Variants in ESYT1 observed in about 807,000 individuals in gnomAD.
The protein encoded by ESYT1 is extended synaptotagmin 1.
ESYT1 carries 116 observed loss-of-function variants against 154.2 expected under a neutral mutation model. The observed-to-expected ratio is 0.75, with a 90% confidence interval of 0.65 to 0.88. The LOEUF (loss-of-function observed/expected upper bound fraction) is 0.88, where lower values mean the gene tolerates loss of function less well. Among genes scored for constraint, ESYT1 ranks in the 40% least tolerant of loss-of-function variants. The probability of loss-of-function intolerance (pLI) is 0.00; values close to 1 mark genes in which losing one functional copy is unlikely to be tolerated. For synonymous variants in ESYT1, 500 were observed against 539.9 expected (o/e 0.93, Z 1.02); for missense variants, 1,264 against 1,379.3 (o/e 0.92, Z 1.32).
At position 56,134,133 on chromosome 12, in the gene ESYT1, C is replaced by T; in HGVS notation, c.1497C>T (p.Pro499=). Residue 499 remains proline (P), a synonymous_variant, in exon 14 of 31, where the codon CCC becomes CCT. Coordinates refer to ENST00000394048, the MANE Select transcript of ESYT1 (RefSeq NM_015292.3). ...AGCTGAAGAAGGGGAACAAGGAACC[C>T]AACCCTATGGTACAACTGTCAATTC... ...DLPLKKGNKE[P]NPMVQLSIQD... 6.2e-7 allele frequency: 1 copy of T among 1,614,066 alleles called. No individual in the cohort carries two copies. Among genetic ancestry groups the T allele is most frequent in the Admixed American group, 1.7e-5 (1 of 60,014 alleles).
intron 22 of ESYT1, 59 bp from the exon 23 acceptor site, chr12:56,138,709 T>C: frequency 6.6e-7 from 1 of 1,513,172 alleles, no homozygotes; most frequent in Non-Finnish European, 9.2e-7. Flanking sequence ...ATATAATTTG[T>C]GAGGGGGATC....
At chr12:56,132,871 A>C (rs1178715340) in intron 10 of ESYT1, 70 bp downstream of exon 10, 3 of 1,402,582 alleles carry the variant, frequency 2.1e-6, no homozygotes, top group Non-Finnish European at 3.0e-6. Flanking sequence ...CTGTAATCCC[A>C]GCACTTTGGG....
chr12:56,130,864 T>C lies in ESYT1; in HGVS notation c.506T>C (p.Val169Ala), dbSNP rs1870203288. ...CTGGCTGAAACTGTGGCTCCGGCTGTTAGGGGATCTAACCCCCATCTGCAA... is the reference window on the plus strand; with the variant it reads ...CTGGCTGAAACTGTGGCTCCGGCTGCTAGGGGATCTAACCCCCATCTGCAA... ...KLLAETVAPA[V>A]RGSNPHLQTF... The change falls in exon 3 of 31, where the codon GTT (valine) becomes GCT (alanine). Residue 169 changes from valine to alanine, a missense_variant. By Grantham distance (64) the Val-to-Ala change is moderately conservative (BLOSUM62 0). Coordinates refer to ENST00000394048, the MANE Select transcript of ESYT1 (RefSeq NM_015292.3). The C allele has an allele frequency of 6.2e-7, 1 of 1,614,058 alleles. No homozygotes were observed. Among genetic ancestry groups the C allele is most frequent in the Non-Finnish European group, 8.5e-7 (1 of 1,180,048 alleles).
intron 24 of ESYT1, among the ~76,000 whole-genome samples, chr12:56,140,415 GA>G (rs1254542016): frequency 2.0e-5 from 3 of 152,068 alleles, no homozygotes; most frequent in African/African-American, 7.2e-5. Context: ...GCCCAGGCTG[GA>G]GTACAGTGAT....
At chr12:56,131,406 C>T in intron 5 of ESYT1, 71 bp from the exon 6 acceptor site, 1 of 1,608,622 alleles carries the variant, frequency 6.2e-7, no homozygotes, top group South Asian at 1.1e-5. Flanking sequence ...AAGACCAAGG[C>T]TGAGAAAGTC....
Position 56,144,070 on chromosome 12 carries a change from G to A in ESYT1, c.*208G>A, listed in dbSNP as rs548142316. On this transcript the variant is annotated 3_prime_UTR_variant, in exon 31 of 31. Transcript: ENST00000394048. ...TACTGCACGGCCTTTATCCTTCTGG[G>A]CCCCTGGGGCGGGGACCTGAGCTGG... 18 of 1,430,078 alleles carry A rather than the reference G, an allele frequency of 1.3e-5. No homozygotes were observed. The East Asian group carries it at 3.8e-4, about 30-fold the overall frequency. The allele number at this position is 1,430,078 out of a possible 1,614,324, so 88.6% of individuals were successfully genotyped here. A position where few individuals can be genotyped will look rare whatever the true frequency, so the allele number is the denominator to read the frequency against.
intron 15 of ESYT1, 23 bp downstream of exon 15, chr12:56,134,451 C>A: frequency 1.3e-6 from 2 of 1,599,996 alleles, no homozygotes; most frequent in Non-Finnish European, 1.7e-6. Context: ...CCTCTTCATC[C>A]CCTCCCGAAT....
At chr12:56,131,915 A>G (rs1870251367) in intron 7 of ESYT1, 111 bp downstream of exon 7, 1 of 1,177,752 alleles carries the variant, frequency 8.5e-7, no homozygotes, top group African/African-American at 1.5e-5. Context: ...CCTCAACTTC[A>G]TTTGGGGAGC....
At position 56,142,856 on chromosome 12, in the gene ESYT1, G is replaced by T. The variant is rs759780762; in HGVS notation, c.2910G>T (p.Gly970=). ...HVDSPLEAPA[G]PLGQVKLTLW... is the part of the protein sequence containing the mutation. ...ACAGTCCCCTTGAGGCTCCAGCCGGGCCTCTGGGCCAGGTGAAACTGACTC... is the reference window on the plus strand; with the variant it reads ...ACAGTCCCCTTGAGGCTCCAGCCGGTCCTCTGGGCCAGGTGAAACTGACTC... The change falls in exon 27 of 31, where the codon GGG becomes GGT. Residue 970 remains glycine, a synonymous_variant. Transcript: ENST00000394048. The surrounding 1 kb of genome is among the most constrained non-coding windows in gnomAD (Gnocchi z 4.1). 6.2e-6 allele frequency: 10 copies of T among 1,614,086 alleles called. No individual in the cohort carries two copies. Among genetic ancestry groups the T allele is most frequent in the Admixed American group, 1.7e-5 (1 of 60,012 alleles).
Position 56,133,465 on chromosome 12 carries a change from T to G in ESYT1, c.1293T>G (p.Asp431Glu). ...GKVLQASVLD[D>E]WFPLQGGQGQ... ...TGTTACAGGCTAGCGTTCTGGATGA[T>G]GTAAGTTGGGAGAAGAGGAAGGTGG... The change falls in exon 11 of 31, where the codon GAT (aspartate) becomes GAG (glutamate). Residue 431 changes from aspartate (D) to glutamate (E), a missense_variant and splice_region_variant. Coordinates refer to ENST00000394048, the MANE Select transcript of ESYT1 (RefSeq NM_015292.3). The G allele has an allele frequency of 6.2e-7, 1 of 1,614,134 alleles. No homozygotes were observed. Among genetic ancestry groups the G allele is most frequent in the Non-Finnish European group, 8.5e-7 (1 of 1,180,014 alleles).
rs1346426369 is a variant in ESYT1 at position 56,143,919 on chromosome 12, A to G, written c.*57A>G. The G allele has an allele frequency of 4.3e-6, 7 of 1,611,748 alleles. No individual in the cohort carries two copies. The highest frequency in any genetic ancestry group is 1.7e-5 in the Admixed American group (1 of 59,974). ...CTTCCTGCCTTCGTCTCGCTCCATC[A>G]CCGCCTCAATGTGATGAGCCTAAAG... On this transcript the variant is annotated 3_prime_UTR_variant, in exon 31 of 31. Coordinates refer to ENST00000394048, the MANE Select transcript of ESYT1 (RefSeq NM_015292.3).
chr12:56,131,012 CCT>C (rs1870210807), intron 3 of ESYT1, 26 bp from the exon 4 acceptor site: 4 of 1,614,130 alleles, frequency 2.5e-6, no homozygotes, highest in East Asian at 2.2e-5. Context: ...CTATCCCTGC[CCT>C]CTCTCAGGAA....
intron 16 of ESYT1, 54 bp from the exon 17 acceptor site, chr12:56,137,164 C>T (rs1870492034): frequency 3.1e-6 from 5 of 1,603,928 alleles, no homozygotes; most frequent in Non-Finnish European, 4.3e-6. Flanking sequence ...ACATGCTTTG[C>T]CTGCTGGTGA....
At position 56,134,088 on chromosome 12, in the gene ESYT1, C is replaced by T. The variant is rs749408994; in HGVS notation, c.1474-22C>T. On this transcript the variant is annotated intron_variant, in intron 13 of 30. Transcript: ENST00000394048. The stretch of plus-strand genomic sequence containing the variant: ...AAACCGAATCCCCCAAGATGGTGAC[C>T]TCTGAATTGTACCCACCACAGCTGA... The T allele has an allele frequency of 3.7e-6, 6 of 1,613,636 alleles. No homozygotes were observed. The South Asian group carries it at 4.4e-5, about 12-fold the overall frequency.
chr12:56,141,632 T>C (rs575912170), intron 24 of ESYT1, among the ~76,000 whole-genome samples: 51 of 152,162 alleles, frequency 3.4e-4, no homozygotes, highest in Middle Eastern at 3.4e-3. Context: ...CCCAGCTACT[T>C]GGGAGGCTGA....
chr12:56,143,268 A>T lies in ESYT1; in HGVS notation c.3160A>T (p.Lys1054Ter). Residue 1054 changes from lysine to a stop codon, truncating the protein, a stop_gained, in exon 29 of 31, where the codon AAG (lysine) becomes TAG (stop). Coordinates refer to ENST00000394048, the MANE Select transcript of ESYT1 (RefSeq NM_015292.3). LOFTEE classifies it high-confidence loss of function. ...ELPLDEAQRRKLDVSVKSNSS... is the reference protein window; with the variant it reads ...ELPLDEAQRR Reference sequence around the variant, plus strand: ...CCCCCTGGATGAGGCCCAGAGACGAAAGCTGGATGTCTCTGTCAAGTCTAA... The same window carrying T: ...CCCCCTGGATGAGGCCCAGAGACGATAGCTGGATGTCTCTGTCAAGTCTAA... 1 of 1,614,176 alleles carries T rather than the reference A, an allele frequency of 6.2e-7. No homozygotes were observed. Among genetic ancestry groups the T allele is most frequent in the Non-Finnish European group, 8.5e-7 (1 of 1,180,032 alleles).
chr12:56,143,011 T>G lies in ESYT1; in HGVS notation c.2988-6T>G. On this transcript the variant is annotated splice_polypyrimidine_tract_variant and splice_region_variant and intron_variant, in intron 27 of 30. Coordinates refer to ENST00000394048, the MANE Select transcript of ESYT1 (RefSeq NM_015292.3). ...TTACCATATCACCTACATCCTCCTG[T>G]TGTAGGTCCCTTCGACAGAATGGAC... is the stretch of plus-strand genomic sequence containing the variant. The G allele has an allele frequency of 6.2e-7, 1 of 1,614,170 alleles. No individual in the cohort carries two copies. The highest frequency in any genetic ancestry group is 8.5e-7 in the Non-Finnish European group (1 of 1,180,032).
Position 56,131,297 on chromosome 12 carries a change from C to T in ESYT1, c.695C>T (p.Ala232Val), listed in dbSNP as rs1870224722. ...DVEVKKYFCKAGVKGMQLHGV... is the reference protein window; with the variant it reads ...DVEVKKYFCKVGVKGMQLHGV... ...GAAGTGAAGAAATATTTTTGCAAAG[C>T]AGGAGTCAAGGGCATGCAGGTAGGC... is the stretch of plus-strand genomic sequence containing the variant. Residue 232 changes from alanine (A) to valine (V), a missense_variant, in exon 5 of 31, where the codon GCA becomes GTA. Physicochemically the swap from Ala to Val is moderately conservative, Grantham distance 64 (BLOSUM62 0). Transcript: ENST00000394048. 6.2e-7 allele frequency: 1 copy of T among 1,613,986 alleles called. No individual in the cohort carries two copies. The highest frequency in any genetic ancestry group is 8.5e-7 in the Non-Finnish European group (1 of 1,180,040).
At chr12:56,141,506 C>T (rs571233123) in intron 24 of ESYT1, among the ~76,000 whole-genome samples, 16 of 151,984 alleles carry the variant, frequency 1.1e-4, no homozygotes, top group East Asian at 9.7e-4. Context: ...TTTGGGAGGC[C>T]AAGGCGGGCA....
Sources: gnomAD v4.1 joint callset for allele counts (sites outside exome capture counted in the v4.1 genomes callset) on GRCh38, gnomAD v4.1.1 for gene constraint, Gnocchi (gnomAD v3.1) non-coding constraint, MANE v1.5 for transcripts, NCBI Gene and HGNC (gene_info 2026-07-23, HGNC 2026-07-21) for gene names.